TTC23L: variants seen among roughly 807,000 people sequenced by gnomAD.
TTC23L encodes the protein tetratricopeptide repeat protein 23-like.
TTC23L carries 42 observed loss-of-function variants against 48.1 expected under a neutral mutation model. That is an observed-to-expected ratio of 0.87 (90% CI 0.68 to 1.13). The LOEUF (loss-of-function observed/expected upper bound fraction) is 1.13, where lower values mean the gene tolerates loss of function less well. Ranked by LOEUF, TTC23L falls within the 50% of genes most tolerant of loss-of-function variation. The probability of loss-of-function intolerance (pLI) is 0.00; values close to 1 mark genes in which losing one functional copy is unlikely to be tolerated. For missense variants in TTC23L, 391 were observed against 421.0 expected (o/e 0.93, Z 0.62); for synonymous variants, 159 against 157.2 (o/e 1.01, Z -0.09).
chr5:34,923,532 C>T, the TTC23L span, among the ~76,000 whole-genome samples: 1 of 152,224 alleles, frequency 6.6e-6, no homozygotes, highest in Non-Finnish European at 1.5e-5. Context: ...CCCGCCTTGG[C>T]CTCCCAAAGT....
At chr5:34,859,570 T>TA (rs1283168341) in intron 4 of TTC23L, among the ~76,000 whole-genome samples, 1 of 152,040 alleles carries the variant, frequency 6.6e-6, no homozygotes, top group Non-Finnish European at 1.5e-5. Context: ...AAGGCCGTTA[T>TA]AAAAGAGGCT....
In TTC23L at chr5:34,863,793, G is replaced by T. The variant is rs12109669; in HGVS notation, c.537-644G>T. ...CACTGGAAAGATGTTAAGGGCATTT[G>T]ATGTTCACGCATCATCATGAGCACT... On this transcript the variant is annotated intron_variant, in intron 5 of 10. Transcript: ENST00000505624. This position sits in a 1 kb window ranked among gnomAD's most constrained non-coding sequence, Gnocchi z 4.1. 1.1e-3 allele frequency among the ~76,000 whole-genome samples: 174 copies of T among 152,260 alleles called. No individual in the cohort carries two copies. Among genetic ancestry groups the T allele is most frequent in the African/African-American group, 4.0e-3 (168 of 41,554 alleles).
intron 6 of TTC23L, among the ~76,000 whole-genome samples, 195 bp from the exon 7 acceptor site, chr5:34,866,697 G>T (rs1446586428): frequency 6.6e-6 from 1 of 152,110 alleles, no homozygotes; most frequent in Non-Finnish European, 1.5e-5. Flanking sequence ...TTTAATGAGT[G>T]GTCGTCAATG....
exon 11 of TTC23L, chr5:34,899,406 T>C (rs1763422736): frequency 6.6e-6 from 1 of 152,638 alleles, no homozygotes. Context: ...TGTTATCAAA[T>C]TGAAAACCTC....
At chr5:34,891,250 T>C (rs563074768) in intron 9 of TTC23L, among the ~76,000 whole-genome samples, 1 of 152,212 alleles carries the variant, frequency 6.6e-6, no homozygotes, top group Non-Finnish European at 1.5e-5. Flanking sequence ...GTACAGAGTA[T>C]ACATTACTGG....
the TTC23L span, among the ~76,000 whole-genome samples, chr5:34,915,211 G>A: frequency 6.6e-6 from 1 of 152,214 alleles, no homozygotes; most frequent in Non-Finnish European, 1.5e-5. Flanking sequence ...GGTATCTCCC[G>A]GCCAAACAGG....
chr5:34,896,644 A>T, intron 9 of TTC23L, 126 bp from the exon 10 acceptor site: 1 of 708,982 alleles, frequency 1.4e-6, no homozygotes, highest in Non-Finnish European at 2.6e-6. Flanking sequence ...AAGAGAAAAC[A>T]TGAAGAAATA....
intron 10 of TTC23L, among the ~76,000 whole-genome samples, chr5:34,898,650 A>G (rs1182507476): frequency 6.6e-6 from 1 of 152,210 alleles, no homozygotes. Context: ...AAAGGAAGTT[A>G]AAGTGCCAGA....
At chr5:34,913,986 G>C in the TTC23L span, 12 of 456,724 alleles carry the variant, frequency 2.6e-5, no homozygotes, top group African/African-American at 2.4e-4. Context: ...TCGGTCTCCT[G>C]AGCAGCTGGA....
the TTC23L span, chr5:34,914,605 T>G: frequency 8.3e-7 from 1 of 1,198,876 alleles, no homozygotes; most frequent in Non-Finnish European, 1.2e-6. Flanking sequence ...TTATGACTAT[T>G]AAGTTATTTT....
chr5:34,867,336 T>C, intron 7 of TTC23L: 1 of 468,166 alleles, frequency 2.1e-6, no homozygotes, highest in East Asian at 3.7e-5. Context: ...CTGTTGGTGC[T>C]GTAAAAAAGA....
Position 34,854,469 on chromosome 5 carries a change from T to C in TTC23L, c.379+4161T>C, listed in dbSNP as rs901873122. ...TTCAGCTTTTTTAGTGTCTGGTCCA[T>C]GGAATAAGTAAGGCTTTGAAAAATG... On this transcript the variant is annotated intron_variant, in intron 4 of 10. Transcript: ENST00000505624. 2.6e-5 allele frequency among the ~76,000 whole-genome samples: 4 copies of C among 152,318 alleles called. No homozygotes were observed. The East Asian group carries it at 7.7e-4, about 29-fold the overall frequency.
At chr5:34,923,263 CT>C in the TTC23L span, 157 of 1,454,754 alleles carry the variant, frequency 1.1e-4, no homozygotes, top group East Asian at 1.4e-4. Flanking sequence ...TTAATTATAC[CT>C]TTTTTTTAAT....
At chr5:34,925,105 T>C in the TTC23L span, 3 of 1,443,786 alleles carry the variant, frequency 2.1e-6, no homozygotes, top group Non-Finnish European at 2.8e-6. Context: ...AACTTGGAAA[T>C]TACTCCCTTT....
intron 9 of TTC23L, chr5:34,880,780 A>G (rs141986222): frequency 0.022 from 6,183 of 282,224 alleles, 97 homozygotes; most frequent in Non-Finnish European, 0.03. Context: ...CTGGGATTAC[A>G]GGCATGCGCC....
At chr5:34,899,015 C>T (rs953517741) in intron 10 of TTC23L, among the ~76,000 whole-genome samples, 3 of 152,198 alleles carry the variant, frequency 2.0e-5, no homozygotes, top group South Asian at 2.1e-4. Context: ...TCTCCGAGCT[C>T]GTGAGAAGAA....
intron 8 of TTC23L, among the ~76,000 whole-genome samples, chr5:34,871,756 T>C (rs1472588331): frequency 2.0e-5 from 3 of 152,098 alleles, no homozygotes; most frequent in Non-Finnish European, 4.4e-5. Context: ...AGAGATAGAG[T>C]TATTGGAACA....
At chr5:34,921,163 T>C in the TTC23L span, 2 of 152,216 alleles carry the variant, frequency 1.3e-5, no homozygotes, top group Non-Finnish European at 2.9e-5. Context: ...GTTTAAAGTC[T>C]TAAATAATGT....
chr5:34,890,479 G>T (rs1039194111), intron 9 of TTC23L, among the ~76,000 whole-genome samples: 143 of 135,676 alleles, frequency 1.1e-3, no homozygotes, highest in African/African-American at 3.4e-3. Context: ...TGGGTATTTT[G>T]TTCATAAGAT....
Sources: gnomAD v4.1 joint callset for allele counts (sites outside exome capture counted in the v4.1 genomes callset) on GRCh38, gnomAD v4.1.1 for gene constraint, Gnocchi (gnomAD v3.1) non-coding constraint, MANE v1.5 for transcripts, NCBI Gene and HGNC (gene_info 2026-07-23, HGNC 2026-07-21) for gene names.